ATAT1: variants seen among roughly 807,000 people sequenced by gnomAD.
ATAT1 encodes alpha-tubulin N-acetyltransferase 1.
ATAT1 carries 42 observed loss-of-function variants against 57.2 expected under a neutral mutation model. That is an observed-to-expected ratio of 0.73 (90% CI 0.57 to 0.95). The LOEUF (loss-of-function observed/expected upper bound fraction) is 0.95, where lower values mean the gene tolerates loss of function less well. Among genes scored for constraint, ATAT1 ranks in the 40% least tolerant of loss-of-function variants. The pLI is 0.00. For synonymous variants in ATAT1, 168 were observed against 187.1 expected (o/e 0.90, Z 0.83); for missense variants, 454 against 523.7 (o/e 0.87, Z 1.30).
intron 6 of ATAT1, among the ~76,000 whole-genome samples, chr6:30,631,923 G>A (rs1762965708): frequency 6.6e-6 from 1 of 152,222 alleles, no homozygotes; most frequent in Admixed American, 6.5e-5. Context: ...GCATGAGTCA[G>A]CGGAGGAGTA....
chr6:30,628,390 T>A lies in ATAT1; in HGVS notation c.461T>A (p.Phe154Tyr). Residue 154 changes from phenylalanine (F) to tyrosine (Y), a missense_variant, in exon 6 of 13, where the codon TTC (phenylalanine) becomes TAC (tyrosine). Phe to Tyr is a conservative substitution (Grantham distance 22). Coordinates refer to ENST00000330083, the MANE Select transcript of ATAT1 (RefSeq NM_001031722.4). The stretch of plus-strand genomic sequence containing the variant: ...CGACCCTCACAGAAGCTGCTGAAAT[T>A]CCTGAATAAGCACTACAATCTGGAG... 6.2e-7 allele frequency: 1 copy of A among 1,613,048 alleles called. No individual in the cohort carries two copies. Among genetic ancestry groups the A allele is most frequent in the Non-Finnish European group, 8.5e-7 (1 of 1,180,016 alleles).
Position 30,626,956 on chromosome 6 carries a change from C to G in ATAT1, c.-248C>G. On this transcript the variant is annotated 5_prime_UTR_variant, in exon 1 of 13. Coordinates refer to ENST00000330083, the MANE Select transcript of ATAT1 (RefSeq NM_001031722.4). ...ACGGTGCTGGACCAGCACCTGAGGC[C>G]CCCAGCCCGCCGACCCGGAACCACA... The G allele has an allele frequency of 6.2e-7, 1 of 1,606,142 alleles. No homozygotes were observed. The highest frequency in any genetic ancestry group is 8.5e-7 in the Non-Finnish European group (1 of 1,176,952).
At position 30,646,095 on chromosome 6, in the gene ATAT1, G is replaced by A. The variant is rs45628635; in HGVS notation, c.1041G>A (p.Gln347=). 1 of 1,610,182 alleles carries A rather than the reference G, an allele frequency of 6.2e-7. No individual in the cohort carries two copies. The highest frequency in any genetic ancestry group is 8.5e-7 in the Non-Finnish European group (1 of 1,178,116). ...ACCAAGACTCCAAGCAGGGAGAACA[G>A]GAAACAAAGAATAGGTGAGGTCTAA... Residue 347 remains glutamine (Q), a synonymous_variant, in exon 12 of 13, where the codon CAG becomes CAA. Coordinates refer to ENST00000330083, the MANE Select transcript of ATAT1 (RefSeq NM_001031722.4).
At chr6:30,634,020 C>A in intron 6 of ATAT1, 1 of 158,900 alleles carries the variant, frequency 6.3e-6, no homozygotes. Context: ...CCCTCCACTT[C>A]CCATCTCAGA....
At chr6:30,643,597 T>G in intron 10 of ATAT1, 1 of 1,550,252 alleles carries the variant, frequency 6.5e-7, no homozygotes, top group Non-Finnish European at 8.7e-7. Context: ...AGACCTGGGG[T>G]GGGCAGGGAA....
At chr6:30,642,324 G>GA in intron 9 of ATAT1, 77 bp downstream of exon 9, 1 of 1,586,958 alleles carries the variant, frequency 6.3e-7, no homozygotes, top group South Asian at 1.1e-5. Flanking sequence ...GGGACCCAGG[G>GA]AAAGGATTCG....
Position 30,642,833 on chromosome 6 carries a change from G to GGGGGGGGGGGCCCCCCCCCCCCCCCC in ATAT1, c.754_755insGGGGGGGGGGCCCCCCCCCCCCCCCC (p.Ala252GlyfsTer76). 1 of 1,537,868 alleles carries GGGGGGGGGGGCCCCCCCCCCCCCCCC rather than the reference G, an allele frequency of 6.5e-7. No homozygotes were observed. The highest frequency in any genetic ancestry group is 8.7e-7 in the Non-Finnish European group (1 of 1,145,776). ...GGCCCCTCGCCGCGCCACACCTCCA[G>GGGGGGGGGGGCCCCCCCCCCCCCCCC]CCCACCCACCCCCCCGCTCCAGCAG... On this transcript the variant is annotated frameshift_variant, in exon 10 of 13. Transcript: ENST00000330083. LOFTEE classifies it high-confidence loss of function.
chr6:30,640,572 T>G lies in ATAT1; in HGVS notation c.585T>G (p.Ser195=), dbSNP rs778646476. 6.2e-7 allele frequency: 1 copy of G among 1,612,858 alleles called. No homozygotes were observed. Among genetic ancestry groups the G allele is most frequent in the African/African-American group, 1.3e-5 (1 of 74,910 alleles). ...CCTCTCTGAGGGCAACTCGACACTCTCGTGCTGCTGCAGTCGATCCCACGC... is the reference window on the plus strand; with the variant it reads ...CCTCTCTGAGGGCAACTCGACACTCGCGTGCTGCTGCAGTCGATCCCACGC... The change falls in exon 8 of 13, where the codon TCT becomes TCG. Residue 195 remains serine, a synonymous_variant. Transcript: ENST00000330083.
At chr6:30,634,336 C>T (rs1400912460) in intron 6 of ATAT1, among the ~76,000 whole-genome samples, 1 of 151,960 alleles carries the variant, frequency 6.6e-6, no homozygotes, top group Non-Finnish European at 1.5e-5. Flanking sequence ...CCGCAAGCTC[C>T]ACCTCCTGGG....
intron 10 of ATAT1, 53 bp downstream of exon 10, chr6:30,643,064 G>C: frequency 6.5e-7 from 1 of 1,547,482 alleles, no homozygotes; most frequent in Non-Finnish European, 8.7e-7. Context: ...GAGGATGTTA[G>C]AAATGGCAAA....
Position 30,646,100 on chromosome 6 carries a change from CAA to C in ATAT1, c.1048_1049del (p.Lys350GlufsTer2). 6.2e-7 allele frequency: 1 copy of C among 1,609,600 alleles called. No homozygotes were observed. Among genetic ancestry groups the C allele is most frequent in the Non-Finnish European group, 8.5e-7 (1 of 1,177,878 alleles). On this transcript the variant is annotated frameshift_variant, in exon 12 of 13. Coordinates refer to ENST00000330083, the MANE Select transcript of ATAT1 (RefSeq NM_001031722.4). LOFTEE classifies it low-confidence loss of function (END_TRUNC). ...GACTCCAAGCAGGGAGAACAGGAAA[CAA>C]AGAATAGGTGAGGTCTAAACCCCTC...
chr6:30,631,004 T>C (rs994789365), intron 6 of ATAT1, among the ~76,000 whole-genome samples: 9 of 150,860 alleles, frequency 6.0e-5, no homozygotes, highest in Non-Finnish European at 1.3e-4. Flanking sequence ...TGGTGGAGCT[T>C]ATATTCTAGC....
At chr6:30,643,098 G>A in intron 10 of ATAT1, 87 bp downstream of exon 10, 1 of 1,518,782 alleles carries the variant, frequency 6.6e-7, no homozygotes, top group Non-Finnish European at 8.8e-7. Context: ...CCATCAGAGA[G>A]ATGGATCAAT....
intron 6 of ATAT1, among the ~76,000 whole-genome samples, chr6:30,639,071 C>G (rs1371513175): frequency 1.3e-5 from 2 of 152,044 alleles, no homozygotes; most frequent in African/African-American, 4.8e-5. Flanking sequence ...ACCTCCGCCT[C>G]CTGGGTTCAA....
Position 30,646,462 on chromosome 6 carries a change from C to A in ATAT1, c.1056-7C>A. ...TATAACCCACTCTCCATCTCCCCAC[C>A]TACCAGGTCTGCCAGTGAGGAGCAG... is the stretch of plus-strand genomic sequence containing the variant. On this transcript the variant is annotated splice_region_variant and splice_polypyrimidine_tract_variant and intron_variant, in intron 12 of 12. Transcript: ENST00000330083. The A allele has an allele frequency of 6.4e-7, 1 of 1,565,348 alleles. No homozygotes were observed. The highest frequency in any genetic ancestry group is 1.9e-5 in the Admixed American group (1 of 52,758).
chr6:30,629,899 TCA>T (rs1395824931), intron 6 of ATAT1, among the ~76,000 whole-genome samples: 1 of 152,202 alleles, frequency 6.6e-6, no homozygotes, highest in Non-Finnish European at 1.5e-5. Flanking sequence ...CTCCTTGTTT[TCA>T]CATAGTTCAT....
chr6:30,643,823 G>T, intron 10 of ATAT1: 1 of 1,321,356 alleles, frequency 7.6e-7, no homozygotes, highest in Non-Finnish European at 9.7e-7. Flanking sequence ...AGTCTGATCT[G>T]TTGCCAGACT....
At chr6:30,634,663 GA>G (rs9278741) in intron 6 of ATAT1, among the ~76,000 whole-genome samples, 25,068 of 84,224 alleles carry the variant, frequency 0.3, 2,596 homozygotes, top group Non-Finnish European at 0.34. Flanking sequence ...CTCAAAGGAG[GA>G]AAAAAAAAAA....
chr6:30,637,808 T>C (rs970592112), intron 6 of ATAT1, among the ~76,000 whole-genome samples: 1 of 151,888 alleles, frequency 6.6e-6, no homozygotes, highest in East Asian at 1.9e-4. Context: ...AAACCCTGTC[T>C]CTACTGAAAA....
Sources: gnomAD v4.1 joint callset for allele counts (sites outside exome capture counted in the v4.1 genomes callset) on GRCh38, gnomAD v4.1.1 for gene constraint, MANE v1.5 for transcripts, NCBI Gene and HGNC (gene_info 2026-07-23, HGNC 2026-07-21) for gene names.